The following SLC2A9 variants were observed in gnomAD, a reference collection of about 807,000 sequenced individuals.
SLC2A9 encodes solute carrier family 2, facilitated glucose transporter member 9.
SLC2A9 carries 39 observed loss-of-function variants against 50.6 expected under a neutral mutation model. The observed-to-expected ratio is 0.77, with a 90% CI of 0.60 to 1.01. The LOEUF (loss-of-function observed/expected upper bound fraction) is 1.01, where lower values mean the gene tolerates loss of function less well. Among genes scored for constraint, SLC2A9 ranks in the 50% least tolerant of loss-of-function variants. The pLI, the probability that SLC2A9 is intolerant of heterozygous loss-of-function variation, is 0.00. For synonymous variants in SLC2A9, 324 were observed against 276.9 expected (o/e 1.17, Z -1.69); for missense variants, 686 against 677.6 (o/e 1.01, Z -0.14).
chr4:9,982,341 C>T (rs1009542815), intron 4 of SLC2A9, among the ~76,000 whole-genome samples: 9 of 152,168 alleles, frequency 5.9e-5, no homozygotes, highest in Admixed American at 2.0e-4. Context: ...CAAGTCCTGG[C>T]GTGACTCCAA....
intron 4 of SLC2A9, among the ~76,000 whole-genome samples, chr4:9,983,052 G>T (rs1214958946): frequency 1.3e-5 from 2 of 152,090 alleles, no homozygotes; most frequent in Non-Finnish European, 2.9e-5. Flanking sequence ...ATTTTCAGTA[G>T]AGACAGGGTT....
At chr4:9,830,544 G>A (rs1725953450) in intron 11 of SLC2A9, among the ~76,000 whole-genome samples, 1 of 152,146 alleles carries the variant, frequency 6.6e-6, no homozygotes, top group Non-Finnish European at 1.5e-5. Flanking sequence ...AAAACAAAAA[G>A]CTCAGAAAAA....
intron 6 of SLC2A9, 31 bp downstream of exon 6, chr4:9,941,882 G>A (rs1748204717): frequency 1.2e-6 from 2 of 1,613,488 alleles, no homozygotes; most frequent in Non-Finnish European, 1.7e-6. Context: ...TGCAGGGGCT[G>A]GAGCTGTGCA....
chr4:9,877,040 G>A (rs1050314175), intron 10 of SLC2A9, among the ~76,000 whole-genome samples: 4 of 151,976 alleles, frequency 2.6e-5, no homozygotes, highest in African/African-American at 9.7e-5. Flanking sequence ...TTCCTTCTAT[G>A]CAATACTTTC....
chr4:9,928,876 T>C (rs1745386443), intron 6 of SLC2A9, among the ~76,000 whole-genome samples: 1 of 152,236 alleles, frequency 6.6e-6, no homozygotes, highest in Non-Finnish European at 1.5e-5. Context: ...ATGATTATTG[T>C]TAAAATATAA....
At chr4:9,887,983 A>T (rs1487463180) in intron 9 of SLC2A9, among the ~76,000 whole-genome samples, 2 of 152,142 alleles carry the variant, frequency 1.3e-5, no homozygotes, top group African/African-American at 2.4e-5. Context: ...TCACATTTAT[A>T]AAAGTTCATC....
chr4:9,910,438 C>T (rs1459710724), intron 7 of SLC2A9, among the ~76,000 whole-genome samples: 3 of 152,182 alleles, frequency 2.0e-5, no homozygotes, highest in Admixed American at 1.3e-4. Flanking sequence ...CCCAGTGCAC[C>T]GTCAGGGTTG....
At chr4:9,839,455 A>G (rs1337979041) in intron 10 of SLC2A9, among the ~76,000 whole-genome samples, 1 of 152,214 alleles carries the variant, frequency 6.6e-6, no homozygotes, top group African/African-American at 2.4e-5. Context: ...AGACAGAACT[A>G]CTATTCGACC....
intron 10 of SLC2A9, among the ~76,000 whole-genome samples, chr4:9,843,582 C>T (rs538724140): frequency 1.3e-5 from 2 of 152,144 alleles, no homozygotes; most frequent in African/African-American, 4.8e-5. Flanking sequence ...GGCTCTGCCA[C>T]TTGCAGGCTC....
intron 5 of SLC2A9, among the ~76,000 whole-genome samples, chr4:9,968,003 A>T (rs1168222619): frequency 6.6e-6 from 1 of 152,170 alleles, no homozygotes; most frequent in African/African-American, 2.4e-5. Context: ...ATACACCAAT[A>T]CAAAACTAAA....
At chr4:9,867,279 C>T (rs367719677) in intron 10 of SLC2A9, among the ~76,000 whole-genome samples, 15 of 152,262 alleles carry the variant, frequency 9.9e-5, no homozygotes, top group East Asian at 5.8e-4. Flanking sequence ...AGAAAGTAGA[C>T]GCAGTGTTTC....
intron 6 of SLC2A9, among the ~76,000 whole-genome samples, chr4:9,933,801 G>A (rs1746572973): frequency 6.6e-6 from 1 of 152,188 alleles, no homozygotes; most frequent in Non-Finnish European, 1.5e-5. Flanking sequence ...GAATCCGCCT[G>A]CTTGTCTTTT....
At chr4:9,846,951 G>A (rs1025893313) in intron 10 of SLC2A9, among the ~76,000 whole-genome samples, 6 of 152,116 alleles carry the variant, frequency 3.9e-5, no homozygotes, top group African/African-American at 1.4e-4. Flanking sequence ...TAGTCACCAG[G>A]TTTAACCCAG....
chr4:9,910,696 C>T (rs1741575090), intron 7 of SLC2A9, among the ~76,000 whole-genome samples: 1 of 152,190 alleles, frequency 6.6e-6, no homozygotes. Flanking sequence ...CCAGCACCTC[C>T]TTCTGGCTCC....
chr4:9,929,145 A>G (rs943389670), intron 6 of SLC2A9, among the ~76,000 whole-genome samples: 1 of 152,246 alleles, frequency 6.6e-6, no homozygotes, highest in Non-Finnish European at 1.5e-5. Context: ...CTTGTGTTTT[A>G]TGTGCCCTTA....
chr4:9,934,612 G>A (rs1279716648), intron 6 of SLC2A9, among the ~76,000 whole-genome samples: 13 of 152,208 alleles, frequency 8.5e-5, no homozygotes, highest in Admixed American at 7.9e-4. Context: ...ATGATGGCCA[G>A]TTAGTAGCAG....
intron 8 of SLC2A9, among the ~76,000 whole-genome samples, chr4:9,895,483 C>T (rs1279567796): frequency 6.6e-6 from 1 of 152,220 alleles, no homozygotes; most frequent in African/African-American, 2.4e-5. Flanking sequence ...GAACAGCAGA[C>T]TGAAGGCTAC....
intron 5 of SLC2A9, among the ~76,000 whole-genome samples, chr4:9,978,578 T>C (rs944855866): frequency 2.6e-5 from 4 of 152,256 alleles, no homozygotes; most frequent in Admixed American, 2.0e-4. Context: ...TTTTAAAATA[T>C]CTTTAGAAAC....
At chr4:9,839,423 T>C (rs1436737089) in intron 10 of SLC2A9, among the ~76,000 whole-genome samples, 2 of 152,166 alleles carry the variant, frequency 1.3e-5, no homozygotes, top group East Asian at 1.9e-4. Context: ...GAAGACAGTG[T>C]GGCCGTTCCT....
Sources: gnomAD v4.1 joint callset for allele counts (sites outside exome capture counted in the v4.1 genomes callset) on GRCh38, gnomAD v4.1.1 for gene constraint, MANE v1.5 for transcripts, NCBI Gene and HGNC (gene_info 2026-07-23, HGNC 2026-07-21) for gene names.